The following CABLES1 variants were observed in gnomAD, a reference collection of about 807,000 sequenced individuals.
CABLES1 encodes CDK5 and ABL1 enzyme substrate 1.
A neutral mutation model predicts 57.8 loss-of-function variants in CABLES1; 36 were observed. The ratio of observed to expected loss-of-function variants is 0.62; its 90% CI spans 0.48 to 0.82. The LOEUF is 0.82. CABLES1 is among the 40% of genes least tolerant of loss of function. The pLI, the probability that CABLES1 is intolerant of heterozygous loss-of-function variation, is 0.00. For synonymous variants in CABLES1, 374 were observed against 363.0 expected (o/e 1.03, Z -0.35); for missense variants, 767 against 836.6 (o/e 0.92, Z 1.03).
In CABLES1 at chr18:23,237,176, A is replaced by G. The variant is rs956544272; in HGVS notation, c.1377A>G (p.Pro459=). 6.2e-6 allele frequency: 10 copies of G among 1,613,738 alleles called. No homozygotes were observed. In the African/African-American group the frequency reaches 1.3e-4, roughly 22 times the overall value. Residue 459 remains proline, a synonymous_variant, in exon 7 of 10, where the codon CCA becomes CCG. Coordinates refer to ENST00000256925, the MANE Select transcript of CABLES1 (RefSeq NM_001100619.3). ...TGGGAGACTTTATGGACTATGACCCAAATCTCTTGGATGACCCCCAGTGGC... is the reference window on the plus strand; with the variant it reads ...TGGGAGACTTTATGGACTATGACCCGAATCTCTTGGATGACCCCCAGTGGC... ...SDLGDFMDYD[P]NLLDDPQWPC...
intron 9 of CABLES1, 81 bp downstream of exon 9, chr18:23,254,017 C>G: frequency 8.3e-7 from 1 of 1,202,604 alleles, no homozygotes. Context: ...CGGTCAGTGA[C>G]CCTGCCTGGA....
At chr18:23,206,969 C>T (rs2047368478) in intron 3 of CABLES1, among the ~76,000 whole-genome samples, 1 of 152,064 alleles carries the variant, frequency 6.6e-6, no homozygotes, top group Non-Finnish European at 1.5e-5. Context: ...TGCTACCACA[C>T]CCAGCTGATT....
In CABLES1 at chr18:23,148,267, G is replaced by A. The variant is rs141843457; in HGVS notation, c.845+11660G>A. Among the ~76,000 whole-genome samples, 590 of 152,148 alleles carry A rather than the reference G, an allele frequency of 3.9e-3. 4 individuals carry two copies. Among genetic ancestry groups the A allele is most frequent in the African/African-American group, 0.013 (543 of 41,512 alleles). On this transcript the variant is annotated intron_variant, in intron 1 of 9. Transcript: ENST00000256925. ...GCCTCCCAAAGTGCTGGGATTACAG[G>A]TGTGAGCCACCACGTCTGGCCCGCT...
chr18:23,180,698 A>G (rs2047159129), intron 1 of CABLES1, among the ~76,000 whole-genome samples: 2 of 152,116 alleles, frequency 1.3e-5, no homozygotes, highest in South Asian at 4.1e-4. Flanking sequence ...GGGTTTATAT[A>G]TAGTTTTTCA....
intron 1 of CABLES1, among the ~76,000 whole-genome samples, chr18:23,151,099 A>G (rs1164799921): frequency 6.8e-6 from 1 of 147,830 alleles, no homozygotes; most frequent in Non-Finnish European, 1.5e-5. Flanking sequence ...GCTCACTGCA[A>G]GCTCTGCCTC....
intron 4 of CABLES1, among the ~76,000 whole-genome samples, chr18:23,215,203 C>T (rs1254289250): frequency 6.6e-6 from 1 of 152,132 alleles, no homozygotes; most frequent in Non-Finnish European, 1.5e-5. Context: ...AATCCTGCAG[C>T]TCGGAGGTTT....
intron 1 of CABLES1, among the ~76,000 whole-genome samples, chr18:23,182,642 G>A (rs538483093): frequency 6.6e-6 from 1 of 152,304 alleles, no homozygotes; most frequent in South Asian, 2.1e-4. Context: ...ATCAATCTAC[G>A]CTACTTTCTC....
At position 23,186,550 on chromosome 18, in the gene CABLES1, C is replaced by T. The variant is rs557466608; in HGVS notation, c.846-2288C>T. 2.6e-4 allele frequency among the ~76,000 whole-genome samples: 39 copies of T among 151,966 alleles called. No homozygotes were observed. The East Asian group carries it at 2.9e-3, about 11-fold the overall frequency. On this transcript the variant is annotated intron_variant, in intron 1 of 9. Coordinates refer to ENST00000256925, the MANE Select transcript of CABLES1 (RefSeq NM_001100619.3). ...AAGCGATTCTCCTGCCTCAGCCTCC[C>T]GAGTAGCTGGGATTACAAGCATGCA...
intron 4 of CABLES1, among the ~76,000 whole-genome samples, chr18:23,225,254 A>G (rs1410096189): frequency 6.6e-6 from 1 of 152,236 alleles, no homozygotes; most frequent in Non-Finnish European, 1.5e-5. Context: ...CAGTGGTGCA[A>G]TTCTACAAAT....
At chr18:23,139,219 T>C (rs1218725973) in intron 1 of CABLES1, among the ~76,000 whole-genome samples, 2 of 151,880 alleles carry the variant, frequency 1.3e-5, no homozygotes, top group Non-Finnish European at 2.9e-5. Flanking sequence ...CTGGCCAACA[T>C]GGTGAAACCC....
chr18:23,215,505 T>C (rs928192753), intron 4 of CABLES1, among the ~76,000 whole-genome samples: 2 of 152,208 alleles, frequency 1.3e-5, no homozygotes, highest in African/African-American at 4.8e-5. Context: ...GCAGGTCCTC[T>C]CTTGGCCAGA....
chr18:23,250,667 T>C (rs2048016193), intron 7 of CABLES1, among the ~76,000 whole-genome samples: 1 of 152,178 alleles, frequency 6.6e-6, no homozygotes, highest in South Asian at 2.1e-4. Flanking sequence ...GGCTGCCCCT[T>C]TCCTGGTCCT....
At chr18:23,219,240 C>A in intron 4 of CABLES1, 1 of 454,136 alleles carries the variant, frequency 2.2e-6, no homozygotes, top group Non-Finnish European at 4.4e-6. Flanking sequence ...TCCGTGCCAT[C>A]CCTCTGGTCC....
intron 7 of CABLES1, among the ~76,000 whole-genome samples, chr18:23,238,312 C>T (rs1204485519): frequency 6.6e-6 from 1 of 152,270 alleles, no homozygotes; most frequent in East Asian, 1.9e-4. Context: ...AACTTGGGGC[C>T]TTGCCAGTTA....
chr18:23,228,223 T>G (rs1206018049), intron 4 of CABLES1, among the ~76,000 whole-genome samples: 1 of 152,246 alleles, frequency 6.6e-6, no homozygotes, highest in Non-Finnish European at 1.5e-5. Flanking sequence ...ATCTGTTTCA[T>G]GCATTATGGC....
intron 4 of CABLES1, among the ~76,000 whole-genome samples, chr18:23,231,074 C>T (rs1184607217): frequency 6.6e-6 from 1 of 152,158 alleles, no homozygotes; most frequent in Admixed American, 6.5e-5. Flanking sequence ...GCTCCCTCTG[C>T]AGTGGCCTGT....
At chr18:23,205,254 C>A (rs1197047496) in intron 3 of CABLES1, among the ~76,000 whole-genome samples, 1 of 128,462 alleles carries the variant, frequency 7.8e-6, no homozygotes, top group East Asian at 2.5e-4. Context: ...GTGGTGTGAT[C>A]TTGGCTCACT....
intron 1 of CABLES1, among the ~76,000 whole-genome samples, chr18:23,147,825 G>A (rs1383350877): frequency 6.6e-6 from 1 of 152,180 alleles, no homozygotes; most frequent in Admixed American, 6.5e-5. Context: ...GGCCCAGGAA[G>A]ACGCTGCCCT....
chr18:23,222,766 A>G (rs1322272330), intron 4 of CABLES1, among the ~76,000 whole-genome samples: 2 of 150,482 alleles, frequency 1.3e-5, no homozygotes, highest in Non-Finnish European at 1.5e-5. Flanking sequence ...ATGGTTGGCC[A>G]TAAGGAAGGC....
Sources: allele counts gnomAD v4.1 joint callset (sites outside exome capture counted in the v4.1 genomes callset), GRCh38; gene constraint gnomAD v4.1.1; transcripts MANE v1.5; gene names NCBI Gene and HGNC (gene_info 2026-07-23, HGNC 2026-07-21).